The following TRABD2B variants were observed in gnomAD, a reference collection of about 807,000 sequenced individuals.
TRABD2B encodes the protein metalloprotease TIKI2.
TRABD2B carries 14 observed loss-of-function variants against 40.1 expected under a neutral mutation model. The ratio of observed to expected loss-of-function variants is 0.35; its 90% CI spans 0.23 to 0.55. The LOEUF (loss-of-function observed/expected upper bound fraction) is 0.55, where lower values mean the gene tolerates loss of function less well. TRABD2B is among the 20% of genes least tolerant of loss of function. The pLI is 0.90. For missense variants in TRABD2B, 541 were observed against 648.6 expected (o/e 0.83, Z 1.80); for synonymous variants, 263 against 277.0 (o/e 0.95, Z 0.50).
At chr1:47,910,615 C>T (rs865792378) in intron 2 of TRABD2B, among the ~76,000 whole-genome samples, 8 of 152,294 alleles carry the variant, frequency 5.3e-5, no homozygotes, top group Middle Eastern at 3.4e-3. Flanking sequence ...GTCCAGGACA[C>T]TTCTTGAAGC....
intron 2 of TRABD2B, among the ~76,000 whole-genome samples, chr1:47,960,653 AG>A (rs1645499150): frequency 2.6e-5 from 4 of 152,222 alleles, no homozygotes; most frequent in Admixed American, 1.3e-4. Context: ...CCAACTTAAA[AG>A]GGATGTGAAG....
intron 2 of TRABD2B, among the ~76,000 whole-genome samples, chr1:47,872,745 T>C (rs550108546): frequency 1.3e-4 from 20 of 152,234 alleles, no homozygotes; most frequent in African/African-American, 4.6e-4. Context: ...CCTGGAGGGA[T>C]AGGGAGTCCC....
chr1:47,858,208 ATTTTATTTTATTTTATTTTAT>A (rs1243627885), intron 2 of TRABD2B, among the ~76,000 whole-genome samples: 1 of 1,688 alleles, frequency 5.9e-4, no homozygotes, highest in African/African-American at 7.2e-4. Context: ...ATTTTACTTT[ATTTTATTTTATTTTATTTTAT>A]TTTATTTTAT....
chr1:47,906,756 G>A lies in TRABD2B; in HGVS notation c.666+87278C>T, dbSNP rs190004848. Among the ~76,000 whole-genome samples, 6 of 152,356 alleles carry A rather than the reference G, an allele frequency of 3.9e-5. No homozygotes were observed. The South Asian group carries it at 8.3e-4, about 21-fold the overall frequency. On this transcript the variant is annotated intron_variant, in intron 2 of 6. Transcript: ENST00000606738. ...GGGGCCCAGAATCTTGGCTAGGATG[G>A]CCTGTATTATGACAGGTCTAGGAAC...
At chr1:47,973,213 AC>A (rs1645706144) in intron 2 of TRABD2B, among the ~76,000 whole-genome samples, 1 of 152,242 alleles carries the variant, frequency 6.6e-6, no homozygotes, top group South Asian at 2.1e-4. Context: ...CAGTTCAATG[AC>A]AGGCACACAG....
intron 2 of TRABD2B, among the ~76,000 whole-genome samples, chr1:47,962,716 T>C (rs1645539232): frequency 6.6e-6 from 1 of 152,196 alleles, no homozygotes; most frequent in African/African-American, 2.4e-5. Flanking sequence ...TACAAAGTGG[T>C]GAAGTTAGCA....
At chr1:47,941,521 T>C (rs1417112349) in intron 2 of TRABD2B, among the ~76,000 whole-genome samples, 1 of 152,246 alleles carries the variant, frequency 6.6e-6, no homozygotes, top group East Asian at 1.9e-4. Flanking sequence ...CATTGAGAAC[T>C]GGGAAACCTG....
At chr1:47,987,914 C>T (rs566933226) in intron 2 of TRABD2B, among the ~76,000 whole-genome samples, 1 of 152,254 alleles carries the variant, frequency 6.6e-6, no homozygotes, top group African/African-American at 2.4e-5. Context: ...TAGGCGATGC[C>T]AGCCTGTGTT....
intron 2 of TRABD2B, among the ~76,000 whole-genome samples, chr1:47,889,392 G>C (rs1644414866): frequency 6.6e-6 from 1 of 152,208 alleles, no homozygotes; most frequent in Non-Finnish European, 1.5e-5. Flanking sequence ...GGAAATAAAG[G>C]ACAGAGAGCC....
intron 2 of TRABD2B, among the ~76,000 whole-genome samples, chr1:47,843,955 C>A (rs1001102786): frequency 6.6e-6 from 1 of 152,180 alleles, no homozygotes; most frequent in African/African-American, 2.4e-5. Flanking sequence ...GATGGGCACC[C>A]AGCCCCAGGC....
chr1:47,882,587 C>T (rs1644320305), intron 2 of TRABD2B, among the ~76,000 whole-genome samples: 1 of 152,112 alleles, frequency 6.6e-6, no homozygotes, highest in Non-Finnish European at 1.5e-5. Context: ...TTTGTGTATG[C>T]AATAGTCACC....
chr1:47,869,463 C>T lies in TRABD2B; in HGVS notation c.667-67844G>A, dbSNP rs373069594. On this transcript the variant is annotated intron_variant, in intron 2 of 6. Transcript: ENST00000606738. ...TAAGCAAACATGCGCCACGGTGGTCCGCAAAAGAAGATGATGCTGTGATGG... is the reference window on the plus strand; with the variant it reads ...TAAGCAAACATGCGCCACGGTGGTCTGCAAAAGAAGATGATGCTGTGATGG... 7.2e-5 allele frequency among the ~76,000 whole-genome samples: 11 copies of T among 152,136 alleles called. No individual in the cohort carries two copies. The South Asian group carries it at 8.3e-4, about 11-fold the overall frequency.
intron 4 of TRABD2B, among the ~76,000 whole-genome samples, chr1:47,789,854 T>TC (rs1321210340): frequency 6.6e-6 from 1 of 151,896 alleles, no homozygotes; most frequent in African/African-American, 2.4e-5. Context: ...TTATCATTTT[T>TC]CCCCCCTCTC....
chr1:47,765,605 G>T lies in TRABD2B; in HGVS notation c.*297C>A. ...CCCTCCCGGGCCAGCACTAGGGCTA[G>T]GGGGTTATAACACAGGCCACATAAG... On this transcript the variant is annotated 3_prime_UTR_variant, in exon 7 of 7. Transcript: ENST00000606738. 2.3e-6 allele frequency: 1 copy of T among 439,712 alleles called. No individual in the cohort carries two copies. 27.2% of individuals were successfully genotyped at this position (439,712 alleles called of 1,614,324 possible).
At chr1:47,985,444 G>A (rs1645906610) in intron 2 of TRABD2B, among the ~76,000 whole-genome samples, 1 of 152,246 alleles carries the variant, frequency 6.6e-6, no homozygotes, top group Non-Finnish European at 1.5e-5. Flanking sequence ...CAGGGCAGGG[G>A]TGGTGGTCAG....
intron 2 of TRABD2B, among the ~76,000 whole-genome samples, chr1:47,904,985 A>G (rs906180894): frequency 4.6e-5 from 7 of 152,238 alleles, no homozygotes; most frequent in African/African-American, 1.7e-4. Context: ...ACCAGCTGAC[A>G]TGTTGAGCCC....
intron 2 of TRABD2B, among the ~76,000 whole-genome samples, chr1:47,904,733 C>T (rs1053759677): frequency 3.9e-5 from 6 of 152,292 alleles, no homozygotes; most frequent in African/African-American, 1.4e-4. Context: ...GATTCACAGC[C>T]CAATTCCTCT....
chr1:47,957,016 G>C (rs1347997080), intron 2 of TRABD2B, among the ~76,000 whole-genome samples: 3 of 152,310 alleles, frequency 2.0e-5, no homozygotes, highest in South Asian at 2.1e-4. Context: ...GCTTCCAGAG[G>C]AAGGATCAGG....
At chr1:47,977,695 A>AAC (rs1645777996) in intron 2 of TRABD2B, among the ~76,000 whole-genome samples, 1 of 148,356 alleles carries the variant, frequency 6.7e-6, no homozygotes, top group African/African-American at 2.5e-5. Flanking sequence ...AAAAAAAAAA[A>AAC]CACACAGGAA....
Sources: allele counts gnomAD v4.1 joint callset (sites outside exome capture counted in the v4.1 genomes callset), GRCh38; gene constraint gnomAD v4.1.1; transcripts MANE v1.5; gene names NCBI Gene and HGNC (gene_info 2026-07-23, HGNC 2026-07-21).